The following DOCK1 variants were observed in gnomAD, a reference collection of about 807,000 sequenced individuals.
DOCK1 encodes the protein dedicator of cytokinesis 1.
DOCK1 carries 138 observed loss-of-function variants against 262.7 expected under a neutral mutation model. That is an observed-to-expected ratio of 0.53 (90% CI 0.46 to 0.61). DOCK1 has a LOEUF of 0.61. Ranked by LOEUF, DOCK1 falls within the 20% of genes least tolerant of loss-of-function variation. The pLI, the probability that DOCK1 is intolerant of heterozygous loss-of-function variation, is 0.00. For synonymous variants in DOCK1, 866 were observed against 867.4 expected (o/e 1.00, Z 0.03); for missense variants, 1,908 against 2,370.7 (o/e 0.80, Z 4.05).
chr10:127,132,645 G>A (rs1246793901), intron 27 of DOCK1, among the ~76,000 whole-genome samples: 1 of 152,126 alleles, frequency 6.6e-6, no homozygotes, highest in Non-Finnish European at 1.5e-5. Context: ...CAGGTGGGCT[G>A]GCCAGCCATT....
At chr10:127,129,608 A>G (rs1176630726) in intron 27 of DOCK1, among the ~76,000 whole-genome samples, 1 of 152,148 alleles carries the variant, frequency 6.6e-6, no homozygotes, top group Non-Finnish European at 1.5e-5. Context: ...CCTGATGTCC[A>G]GCGTTGACCC....
chr10:127,444,058 A>G lies in DOCK1; in HGVS notation c.5260-68A>G, dbSNP rs968647081. On this transcript the variant is annotated intron_variant, in intron 49 of 51. Coordinates refer to ENST00000623213, the MANE Select transcript of DOCK1 (RefSeq NM_001290223.2). ...TGGGGGTCAGGACTTCAACATAGGA[A>G]TTTAGGTGGAAACGCAACTCAGCCC... 4 of 1,538,466 alleles carry G rather than the reference A, an allele frequency of 2.6e-6. No homozygotes were observed. The East Asian group carries it at 9.8e-5, about 38-fold the overall frequency.
chr10:127,176,488 A>G lies in DOCK1; in HGVS notation c.2847+48724A>G, dbSNP rs2055173487. 9.3e-7 allele frequency: 1 copy of G among 1,079,380 alleles called. No homozygotes were observed. The highest frequency in any genetic ancestry group is 1.6e-5 in the African/African-American group (1 of 64,004). 66.9% of individuals were successfully genotyped at this position (1,079,380 alleles called of 1,614,324 possible). On this transcript the variant is annotated intron_variant, in intron 27 of 51. Transcript: ENST00000623213. The surrounding 1 kb of genome is among the most constrained non-coding windows in gnomAD (Gnocchi z 4.4). The stretch of plus-strand genomic sequence containing the variant: ...GCACAAACTTTTAGCCACCACGACG[A>G]CTGCCTGTTTCCTAATTATATTTAA...
At chr10:127,430,508 G>A (rs1478487627) in intron 47 of DOCK1, among the ~76,000 whole-genome samples, 1 of 152,174 alleles carries the variant, frequency 6.6e-6, no homozygotes, top group Non-Finnish European at 1.5e-5. Context: ...TGATGGTGCA[G>A]TTGTGTCCTT....
chr10:127,111,127 C>T (rs1028351003), intron 25 of DOCK1, among the ~76,000 whole-genome samples: 4 of 152,180 alleles, frequency 2.6e-5, no homozygotes, highest in African/African-American at 7.2e-5. Context: ...TGTGCTTTCA[C>T]GGATCCCAGA....
chr10:127,173,812 C>G (rs2054809220), intron 27 of DOCK1, among the ~76,000 whole-genome samples: 1 of 152,124 alleles, frequency 6.6e-6, no homozygotes, highest in Non-Finnish European at 1.5e-5. Context: ...GAGATGTAAA[C>G]CCAAGATTGA....
At chr10:127,311,946 C>T (rs968666967) in intron 29 of DOCK1, among the ~76,000 whole-genome samples, 1 of 152,044 alleles carries the variant, frequency 6.6e-6, no homozygotes, top group Non-Finnish European at 1.5e-5. Flanking sequence ...CTCATTGCAA[C>T]CTCCGTCTCC....
chr10:126,906,862 T>C (rs1356370644), intron 1 of DOCK1, among the ~76,000 whole-genome samples: 1 of 152,212 alleles, frequency 6.6e-6, no homozygotes, highest in African/African-American at 2.4e-5. Flanking sequence ...GGGACAGTCC[T>C]GGGACAGCCC....
At chr10:127,390,082 C>G (rs930410708) in intron 38 of DOCK1, among the ~76,000 whole-genome samples, 1 of 151,980 alleles carries the variant, frequency 6.6e-6, no homozygotes, top group Non-Finnish European at 1.5e-5. Context: ...GCTTTGCCTT[C>G]CGCCGTGAGT....
intron 23 of DOCK1, among the ~76,000 whole-genome samples, chr10:127,093,162 G>T (rs899985609): frequency 3.4e-5 from 5 of 147,136 alleles, no homozygotes; most frequent in Non-Finnish European, 7.5e-5. Flanking sequence ...GCCTTCCTGT[G>T]GTGTGTGCAG....
intron 23 of DOCK1, among the ~76,000 whole-genome samples, chr10:127,076,918 C>A (rs11016044): frequency 2.4e-3 from 366 of 152,286 alleles, no homozygotes; most frequent in Non-Finnish European, 3.9e-3. Context: ...GCCTTCTTGC[C>A]TGGAGTTTCA....
intron 1 of DOCK1, among the ~76,000 whole-genome samples, chr10:126,970,267 A>G (rs903942023): frequency 6.6e-6 from 1 of 152,210 alleles, no homozygotes; most frequent in African/African-American, 2.4e-5. Flanking sequence ...AACACAGGAC[A>G]TATTTTTGTC....
intron 28 of DOCK1, among the ~76,000 whole-genome samples, chr10:127,253,284 C>T (rs978302105): frequency 1.3e-4 from 20 of 152,180 alleles, no homozygotes; most frequent in African/African-American, 4.3e-4. Flanking sequence ...AGAATGTTGT[C>T]TTGCCACTTG....
intron 29 of DOCK1, among the ~76,000 whole-genome samples, chr10:127,307,465 T>C (rs1030812561): frequency 1.3e-5 from 2 of 152,258 alleles, no homozygotes; most frequent in Admixed American, 1.3e-4. Flanking sequence ...TTCAGTCCGC[T>C]GTCTTGGCAA....
rs190160935 is a variant in DOCK1, at chr10:127,196,097, A to C, written c.2848-51911A>C. 1,159 of 152,194 alleles carry C rather than the reference A, an allele frequency of 7.6e-3. 7 individuals carry two copies. The highest frequency in any genetic ancestry group is 0.017 in the African/African-American group (702 of 41,562). 9.4% of individuals were successfully genotyped at this position (152,194 alleles called of 1,614,324 possible). On this transcript the variant is annotated intron_variant, in intron 27 of 51. Coordinates refer to ENST00000623213, the MANE Select transcript of DOCK1 (RefSeq NM_001290223.2). ...CCTGGGGCGGCACGGAGCACTCCGG[A>C]CAGGGCATCCGCGGCCAGACTCGCC...
intron 23 of DOCK1, among the ~76,000 whole-genome samples, chr10:127,075,839 A>G (rs544041119): frequency 4.9e-4 from 74 of 152,178 alleles, no homozygotes; most frequent in Non-Finnish European, 8.5e-4. Context: ...ACAGAACCAA[A>G]CCATATCACT....
intron 29 of DOCK1, among the ~76,000 whole-genome samples, chr10:127,264,938 G>T (rs1417879361): frequency 1.3e-5 from 2 of 152,140 alleles, no homozygotes; most frequent in East Asian, 3.9e-4. Context: ...CAAAGTGCTG[G>T]GATTACAGGC....
At chr10:127,253,874 C>CAAAAAAAA (rs575042004) in intron 28 of DOCK1, among the ~76,000 whole-genome samples, 31 of 101,388 alleles carry the variant, frequency 3.1e-4, no homozygotes, top group Admixed American at 1.2e-3. Context: ...GACCCTGTCT[C>CAAAAAAAA]AAAAAAAAAA....
At chr10:127,058,344 G>A (rs1276116009) in intron 22 of DOCK1, among the ~76,000 whole-genome samples, 6 of 151,340 alleles carry the variant, frequency 4.0e-5, no homozygotes, top group African/African-American at 1.5e-4. Flanking sequence ...TAATCTTTTG[G>A]CTAGTATTTG....
Sources: allele counts gnomAD v4.1 joint callset (sites outside exome capture counted in the v4.1 genomes callset), GRCh38; gene constraint gnomAD v4.1.1; non-coding constraint Gnocchi (gnomAD v3.1); transcripts MANE v1.5; gene names NCBI Gene and HGNC (gene_info 2026-07-23, HGNC 2026-07-21).